TUBGCP3: variants seen among roughly 807,000 people sequenced by gnomAD.
TUBGCP3 encodes the protein tubulin gamma complex component 3.
A neutral mutation model predicts 123.1 loss-of-function variants in TUBGCP3; 50 were observed. The ratio of observed to expected loss-of-function variants is 0.41; its 90% CI spans 0.32 to 0.51. The LOEUF is 0.51. TUBGCP3 is among the 20% of genes least tolerant of loss of function. The pLI, the probability that TUBGCP3 is intolerant of heterozygous loss-of-function variation, is 0.36. For synonymous variants in TUBGCP3, 405 were observed against 413.9 expected, an observed-to-expected ratio of 0.98 and a Z score of 0.26; for missense variants, 882 against 1,127.0, an observed-to-expected ratio of 0.78 and a Z score of 3.11.
chr13:112,581,690 C>T (rs1882286282), intron 1 of TUBGCP3, among the ~76,000 whole-genome samples: 1 of 152,212 alleles, frequency 6.6e-6, no homozygotes, highest in Non-Finnish European at 1.5e-5. Flanking sequence ...AAGCAATCCT[C>T]CCGCCTTGGC....
chr13:112,522,592 A>G (rs1239907706), intron 13 of TUBGCP3, 83 bp from the exon 14 acceptor site: 3 of 1,378,922 alleles, frequency 2.2e-6, no homozygotes, highest in Non-Finnish European at 3.0e-6. Context: ...ATACATCCAG[A>G]CTCAGGGCCA....
intron 10 of TUBGCP3, 157 bp downstream of exon 10, chr13:112,547,463 G>A (rs753605505): frequency 1.6e-5 from 20 of 1,221,208 alleles, no homozygotes; most frequent in East Asian, 1.5e-4. Flanking sequence ...CCTGGATGGC[G>A]CACCCTACAA....
At chr13:112,490,936 C>T (rs1473779535) in intron 20 of TUBGCP3, among the ~76,000 whole-genome samples, 1 of 152,144 alleles carries the variant, frequency 6.6e-6, no homozygotes, top group South Asian at 2.1e-4. Context: ...GGGCCAATTT[C>T]GGAAACCTAT....
chr13:112,566,271 T>G (rs1594211254), intron 2 of TUBGCP3, among the ~76,000 whole-genome samples: 1 of 152,216 alleles, frequency 6.6e-6, no homozygotes, highest in Non-Finnish European at 1.5e-5. Context: ...TCACACCCAC[T>G]AGAAAGGTGC....
chr13:112,556,012 T>C, intron 6 of TUBGCP3, 40 bp downstream of exon 6: 1 of 1,570,622 alleles, frequency 6.4e-7, no homozygotes, highest in Non-Finnish European at 8.7e-7. Context: ...GAATTCCAAG[T>C]GTTCACAGAA....
chr13:112,560,109 G>A (rs1189478244), intron 3 of TUBGCP3, among the ~76,000 whole-genome samples: 6 of 147,588 alleles, frequency 4.1e-5, no homozygotes, highest in African/African-American at 1.5e-4. Context: ...AATCCAGCTG[G>A]GAGACAGAGC....
Position 112,558,277 on chromosome 13 carries a change from C to T in TUBGCP3, c.467G>A (p.Ser156Asn). 1 of 1,613,194 alleles carries T rather than the reference C, an allele frequency of 6.2e-7. No homozygotes were observed. The highest frequency in any genetic ancestry group is 8.5e-7 in the Non-Finnish European group (1 of 1,180,034). Residue 156 changes from serine to asparagine, a missense_variant, in exon 5 of 22, where the codon AGC becomes AAC. Ser to Asn is a conservative substitution (Grantham distance 46, BLOSUM62 1). Transcript: ENST00000261965. The part of the protein sequence containing the change: ...RSAQSAQSSG[S>N]VGSSGISSIG... Reference sequence around the variant, plus strand: ...GCTGCTGATGCCACTGCTGCCCACGCTGCCGGAGCTCTGGGCTGACTGGGC... The same window carrying T: ...GCTGCTGATGCCACTGCTGCCCACGTTGCCGGAGCTCTGGGCTGACTGGGC...
At chr13:112,596,996 T>C in the TUBGCP3 span, among the ~76,000 whole-genome samples, 6 of 152,204 alleles carry the variant, frequency 3.9e-5, no homozygotes, top group Non-Finnish European at 8.8e-5. Flanking sequence ...TAAGAACATA[T>C]AGAAGGATGA....
At chr13:112,509,916 A>G (rs921565240) in intron 17 of TUBGCP3, among the ~76,000 whole-genome samples, 8 of 152,202 alleles carry the variant, frequency 5.3e-5, no homozygotes, top group Non-Finnish European at 1.0e-4. Flanking sequence ...ACCTGCCAAC[A>G]TGCCTAGGAT....
intron 1 of TUBGCP3, among the ~76,000 whole-genome samples, chr13:112,579,503 C>T (rs182395171): frequency 7.5e-5 from 11 of 147,250 alleles, no homozygotes; most frequent in Admixed American, 7.5e-4. Context: ...TCGCACACTG[C>T]TGAGTGTCAG....
chr13:112,557,457 T>C (rs910681956), intron 5 of TUBGCP3, among the ~76,000 whole-genome samples: 3 of 152,254 alleles, frequency 2.0e-5, no homozygotes, highest in Admixed American at 6.5e-5. Flanking sequence ...TGCTAAATCC[T>C]TGGTCACTGT....
intron 1 of TUBGCP3, among the ~76,000 whole-genome samples, chr13:112,575,467 A>T (rs1881737955): frequency 6.6e-6 from 1 of 152,216 alleles, no homozygotes; most frequent in Non-Finnish European, 1.5e-5. Flanking sequence ...AGCAAACTCT[A>T]ATAGAACTGA....
chr13:112,597,863 G>A, the TUBGCP3 span, among the ~76,000 whole-genome samples: 1 of 152,258 alleles, frequency 6.6e-6, no homozygotes, highest in African/African-American at 2.4e-5. Context: ...AGAAGGAGGG[G>A]AGAGAGAAAA....
intron 11 of TUBGCP3, among the ~76,000 whole-genome samples, chr13:112,529,853 T>C (rs924773429): frequency 6.6e-6 from 1 of 152,216 alleles, no homozygotes; most frequent in African/African-American, 2.4e-5. Context: ...ACACCCAAAG[T>C]GCCTTTTTGG....
In TUBGCP3 at chr13:112,519,819, T is replaced by C. The variant is rs1876461729; in HGVS notation, c.1881+67A>G. ...CTGAAACAACATGGAAAACACTCGCTAGAACACCCCGGCCCAGTGGGTCCT... is the reference window on the plus strand; with the variant it reads ...CTGAAACAACATGGAAAACACTCGCCAGAACACCCCGGCCCAGTGGGTCCT... On this transcript the variant is annotated intron_variant, in intron 15 of 21. Coordinates refer to ENST00000261965, the MANE Select transcript of TUBGCP3 (RefSeq NM_006322.6). The surrounding 1 kb of genome is among the most constrained non-coding windows in gnomAD (Gnocchi z 6.2). The C allele has an allele frequency of 2.6e-6, 4 of 1,553,316 alleles. No individual in the cohort carries two copies. The South Asian group carries it at 4.8e-5, about 19-fold the overall frequency.
Position 112,565,112 on chromosome 13 carries a change from T to C in TUBGCP3, c.251A>G (p.Gln84Arg). ...GACCTCCAGAATTCTGCACTGTACC[T>C]GTGAATGAAGTTTTCTGTGGAGTTC... ...FSELHRKLHSQGVLKNKWSIL... is the reference protein window; with the variant it reads ...FSELHRKLHSRGVLKNKWSIL... The change falls in exon 3 of 22, where the codon CAG (glutamine) becomes CGG (arginine). Residue 84 changes from glutamine to arginine, a missense_variant and splice_region_variant. Coordinates refer to ENST00000261965, the MANE Select transcript of TUBGCP3 (RefSeq NM_006322.6). 1 of 1,613,678 alleles carries C rather than the reference T, an allele frequency of 6.2e-7. No homozygotes were observed. Among genetic ancestry groups the C allele is most frequent in the Non-Finnish European group, 8.5e-7 (1 of 1,179,802 alleles).
chr13:112,583,577 T>A (rs912509962), intron 1 of TUBGCP3, among the ~76,000 whole-genome samples: 1 of 152,206 alleles, frequency 6.6e-6, no homozygotes, highest in Non-Finnish European at 1.5e-5. Context: ...AAAGATTCTA[T>A]ATACACTCAG....
the TUBGCP3 span, among the ~76,000 whole-genome samples, chr13:112,593,544 G>A: frequency 5.9e-5 from 9 of 152,100 alleles, no homozygotes; most frequent in African/African-American, 9.7e-5. Context: ...ATGCTGCCGC[G>A]TGCCTGCAAT....
At chr13:112,532,653 TA>T (rs536223409) in intron 11 of TUBGCP3, among the ~76,000 whole-genome samples, 467 of 152,320 alleles carry the variant, frequency 3.1e-3, no homozygotes, top group Middle Eastern at 0.01. Flanking sequence ...CTTCTCTAGA[TA>T]GTAGTAACAC....
Sources: gnomAD v4.1 joint callset for allele counts (sites outside exome capture counted in the v4.1 genomes callset) on GRCh38, gnomAD v4.1.1 for gene constraint, Gnocchi (gnomAD v3.1) non-coding constraint, MANE v1.5 for transcripts, NCBI Gene and HGNC (gene_info 2026-07-23, HGNC 2026-07-21) for gene names.